The following PHACTR1 variants were observed in gnomAD, a reference collection of about 807,000 sequenced individuals.
PHACTR1 encodes RPEL repeat containing 1.
Under a neutral mutation model 69.2 loss-of-function variants are expected in PHACTR1, and 16 were observed. The ratio of observed to expected loss-of-function variants is 0.23; its 90% CI spans 0.16 to 0.35. The LOEUF (loss-of-function observed/expected upper bound fraction) is 0.35, where lower values mean the gene tolerates loss of function less well. PHACTR1 is among the 10% of genes least tolerant of loss of function. PHACTR1 has a pLI of 1.00. For missense variants in PHACTR1, 510 were observed against 734.7 expected, an observed-to-expected ratio of 0.69 and a Z score of 3.54; for synonymous variants, 312 against 284.5, an observed-to-expected ratio of 1.10 and a Z score of -0.97.
intron 4 of PHACTR1, among the ~76,000 whole-genome samples, chr6:12,861,711 A>G (rs760630267): frequency 6.6e-6 from 1 of 152,196 alleles, no homozygotes; most frequent in Non-Finnish European, 1.5e-5. Context: ...GCAATTAACC[A>G]TACTCTCCCA....
At chr6:13,076,301 G>C (rs141529002) in intron 5 of PHACTR1, among the ~76,000 whole-genome samples, 1 of 152,266 alleles carries the variant, frequency 6.6e-6, no homozygotes, top group East Asian at 1.9e-4. Flanking sequence ...CACAAAGTAA[G>C]TAATCCTTTA....
chr6:13,279,102 G>T (rs1033322025), intron 12 of PHACTR1, among the ~76,000 whole-genome samples: 7 of 150,636 alleles, frequency 4.6e-5, no homozygotes, highest in African/African-American at 1.7e-4. Flanking sequence ...ACTTTATTAG[G>T]CTAAATTACG....
chr6:12,921,103 C>T (rs918208841), intron 4 of PHACTR1, among the ~76,000 whole-genome samples: 1 of 152,200 alleles, frequency 6.6e-6, no homozygotes, highest in Non-Finnish European at 1.5e-5. Flanking sequence ...TGCCCGTTCT[C>T]ACATTGGTGC....
chr6:12,874,284 G>T lies in PHACTR1; in HGVS notation c.250+124494G>T, dbSNP rs527366752. ...ATCTAGAGAAACTCTGGATCCTCAG[G>T]GCTTGTTCCTCCAGAATAGCAATCC... is the stretch of plus-strand genomic sequence containing the variant. On this transcript the variant is annotated intron_variant, in intron 4 of 14. Coordinates refer to ENST00000332995, the MANE Select transcript of PHACTR1 (RefSeq NM_030948.6). Among the ~76,000 whole-genome samples, 7 of 152,220 alleles carry T rather than the reference G, an allele frequency of 4.6e-5. No individual in the cohort carries two copies. In the South Asian group the frequency reaches 1.5e-3, roughly 32 times the overall value.
chr6:13,023,274 G>C (rs1801240865), intron 4 of PHACTR1, among the ~76,000 whole-genome samples: 1 of 152,116 alleles, frequency 6.6e-6, no homozygotes, highest in African/African-American at 2.4e-5. Context: ...AGTATCTTTA[G>C]TGTTCCCACT....
At chr6:12,843,779 T>A (rs1778928000) in intron 4 of PHACTR1, among the ~76,000 whole-genome samples, 1 of 152,234 alleles carries the variant, frequency 6.6e-6, no homozygotes, top group Admixed American at 6.5e-5. Flanking sequence ...ATAGTAGGTA[T>A]GACATGTGGT....
intron 4 of PHACTR1, among the ~76,000 whole-genome samples, chr6:12,768,154 G>A (rs1442327501): frequency 9.7e-6 from 1 of 103,620 alleles, no homozygotes; most frequent in Non-Finnish European, 1.8e-5. Context: ...TTGCTCCATT[G>A]CCCAGGCTGG....
At position 12,963,925 on chromosome 6, in the gene PHACTR1, T is replaced by C. The variant is rs569590763; in HGVS notation, c.251-89440T>C. Among the ~76,000 whole-genome samples the C allele has an allele frequency of 4.6e-3, 695 of 152,326 alleles. 14 individuals carry two copies. Among genetic ancestry groups the C allele is most frequent in the Non-Finnish European group, 6.2e-3 (421 of 68,014 alleles). On this transcript the variant is annotated intron_variant, in intron 4 of 14. Transcript: ENST00000332995. ...CTTGCCCAAAAAAGGGCCTGGAGGCTGAAAATGTTTAGGACAAACGTTCAG... is the reference window on the plus strand; with the variant it reads ...CTTGCCCAAAAAAGGGCCTGGAGGCCGAAAATGTTTAGGACAAACGTTCAG...
At chr6:12,993,985 A>G (rs960980525) in intron 4 of PHACTR1, among the ~76,000 whole-genome samples, 2 of 152,202 alleles carry the variant, frequency 1.3e-5, no homozygotes, top group South Asian at 4.1e-4. Context: ...GAAATAAGAT[A>G]TAAATATAAA....
chr6:13,196,420 C>CTTTTTT, intron 7 of PHACTR1: 1 of 135,694 alleles, frequency 7.4e-6, no homozygotes, highest in Non-Finnish European at 1.5e-5. Context: ...GGTTTTCTTT[C>CTTTTTT]TTTTTTTTTT....
intron 10 of PHACTR1, among the ~76,000 whole-genome samples, chr6:13,255,265 G>A (rs193032914): frequency 1.8e-4 from 27 of 152,192 alleles, no homozygotes; most frequent in African/African-American, 5.5e-4. Flanking sequence ...AACACCAAGG[G>A]GAAGGTGCTA....
chr6:12,800,966 A>G (rs529783839), intron 4 of PHACTR1, among the ~76,000 whole-genome samples: 2 of 152,304 alleles, frequency 1.3e-5, no homozygotes, highest in Admixed American at 1.3e-4. Flanking sequence ...GAATTATGCC[A>G]ATACATTTTT....
At chr6:13,024,567 C>T (rs1801423762) in intron 4 of PHACTR1, among the ~76,000 whole-genome samples, 1 of 152,172 alleles carries the variant, frequency 6.6e-6, no homozygotes, top group African/African-American at 2.4e-5. Flanking sequence ...AACAGGCCAC[C>T]AGACAGGAGC....
At chr6:13,170,929 CATTCCATCCT>C (rs1760515191) in intron 6 of PHACTR1, among the ~76,000 whole-genome samples, 2 of 152,186 alleles carry the variant, frequency 1.3e-5, no homozygotes, top group Non-Finnish European at 2.9e-5. Context: ...CTCTGGGAAT[CATTCCATCCT>C]CCCATGGAAT....
intron 6 of PHACTR1, among the ~76,000 whole-genome samples, chr6:13,178,573 C>T (rs6923461): frequency 0.061 from 9,282 of 152,296 alleles, 766 homozygotes; most frequent in African/African-American, 0.18. Context: ...TTTTAATAGC[C>T]TCCAGCGGGT....
chr6:12,907,415 G>T (rs1298716001), intron 4 of PHACTR1, among the ~76,000 whole-genome samples: 1 of 152,194 alleles, frequency 6.6e-6, no homozygotes, highest in Non-Finnish European at 1.5e-5. Flanking sequence ...TCTATGAATA[G>T]TTGCTAGTGT....
intron 4 of PHACTR1, among the ~76,000 whole-genome samples, chr6:12,794,648 A>G (rs1003451648): frequency 1.4e-4 from 21 of 152,232 alleles, no homozygotes; most frequent in African/African-American, 3.9e-4. Flanking sequence ...AGTATTTTAC[A>G]TTCTTTTCCC....
At chr6:12,756,186 G>A (rs960559679) in intron 4 of PHACTR1, among the ~76,000 whole-genome samples, 1 of 152,132 alleles carries the variant, frequency 6.6e-6, no homozygotes, top group Non-Finnish European at 1.5e-5. Context: ...AATTCAGGTG[G>A]GAACAGAAGA....
At chr6:13,149,831 A>ATTT (rs34449513) in intron 5 of PHACTR1, among the ~76,000 whole-genome samples, 8 of 145,830 alleles carry the variant, frequency 5.5e-5, no homozygotes, top group African/African-American at 1.8e-4. Flanking sequence ...TTTTTTTGCG[A>ATTT]TTTTTTTTTT....
Sources: allele counts gnomAD v4.1 joint callset (sites outside exome capture counted in the v4.1 genomes callset), GRCh38; gene constraint gnomAD v4.1.1; transcripts MANE v1.5; gene names NCBI Gene and HGNC (gene_info 2026-07-23, HGNC 2026-07-21).